USP54: variants seen among roughly 807,000 people sequenced by gnomAD.
The protein encoded by USP54 is ubiquitin carboxyl-terminal hydrolase 54.
A neutral mutation model predicts 170.5 loss-of-function variants in USP54; 87 were observed. The ratio of observed to expected loss-of-function variants is 0.51; its 90% confidence interval spans 0.43 to 0.61. The LOEUF is 0.61. Ranked by LOEUF, USP54 falls within the 20% of genes least tolerant of loss-of-function variation. The probability of loss-of-function intolerance (pLI) is 0.00; values close to 1 mark genes in which losing one functional copy is unlikely to be tolerated. For missense variants in USP54, 1,786 were observed against 2,047.8 expected (o/e 0.87, Z 2.47); for synonymous variants, 655 against 742.8 (o/e 0.88, Z 1.92).
intron 20 of USP54, among the ~76,000 whole-genome samples, chr10:73,513,822 T>G (rs1055809034): frequency 6.6e-6 from 1 of 152,130 alleles, no homozygotes; most frequent in Non-Finnish European, 1.5e-5. Flanking sequence ...TTTTTTTTTG[T>G]TTTTGGTTTT....
intron 1 of USP54, chr10:73,615,233 A>G (rs1281880297): frequency 6.7e-6 from 1 of 150,234 alleles, no homozygotes; most frequent in African/African-American, 2.5e-5. Context: ...TCCACCTGTA[A>G]TCCCAACTGA....
At chr10:73,602,512 T>C (rs996667166) in intron 1 of USP54, among the ~76,000 whole-genome samples, 41 of 149,864 alleles carry the variant, frequency 2.7e-4, no homozygotes, top group African/African-American at 1.0e-3. Flanking sequence ...GAGATCATGC[T>C]ACTGCACTCC....
At position 73,531,947 on chromosome 10, in the gene USP54, GA is replaced by G. The variant is rs113861662; in HGVS notation, c.1316-1113del. Among the ~76,000 whole-genome samples, 1,313 of 147,980 alleles carry G rather than the reference GA, an allele frequency of 8.9e-3. 31 individuals are homozygous for G. The highest frequency in any genetic ancestry group is 0.03 in the African/African-American group (1,218 of 40,462). On this transcript the variant is annotated intron_variant, in intron 12 of 23. Transcript: ENST00000687698. ...TAAATTAAGTTTGAAGATATGCTTA[GA>G]AAAAAAAAACCTAGGTCAAATGCAT...
chr10:73,523,530 C>A, intron 17 of USP54, 53 bp downstream of exon 17: 1 of 1,467,130 alleles, frequency 6.8e-7, no homozygotes. Flanking sequence ...ATGTTTTTTT[C>A]TACCCTTTCT....
intron 12 of USP54, among the ~76,000 whole-genome samples, chr10:73,532,222 G>C (rs891392824): frequency 6.6e-6 from 1 of 152,052 alleles, no homozygotes; most frequent in Non-Finnish European, 1.5e-5. Flanking sequence ...ACCCAGGCTG[G>C]AGTGCAGTGG....
intron 23 of USP54, chr10:73,499,875 G>C (rs2057709033): frequency 6.6e-6 from 1 of 152,426 alleles, no homozygotes; most frequent in South Asian, 2.1e-4. Context: ...GTTGGGGAGA[G>C]ACTGCCCTGT....
At chr10:73,595,751 G>C (rs1294191756), upstream of USP54, among the ~76,000 whole-genome samples, 1 of 152,170 alleles carries the variant, frequency 6.6e-6, no homozygotes, top group Non-Finnish European at 1.5e-5. Context: ...AAAGCTCCTA[G>C]AAAGCAAGAA....
intron 12 of USP54, among the ~76,000 whole-genome samples, chr10:73,531,233 G>T (rs980432696): frequency 6.6e-6 from 1 of 151,650 alleles, no homozygotes; most frequent in Non-Finnish European, 1.5e-5. Context: ...GGAGGTTGCA[G>T]TGAGCCGAGA....
At chr10:73,612,648 C>G (rs938452847) in intron 1 of USP54, among the ~76,000 whole-genome samples, 1 of 151,908 alleles carries the variant, frequency 6.6e-6, no homozygotes, top group African/African-American at 2.4e-5. Context: ...TCAAGACTAG[C>G]CTGGCCAACA....
At position 73,517,024 on chromosome 10, in the gene USP54, C is replaced by T. The variant is rs746083556; in HGVS notation, c.3402G>A (p.Glu1134=). The change falls in exon 20 of 24, where the codon GAG becomes GAA. Residue 1134 remains glutamate, a synonymous_variant. Coordinates refer to ENST00000687698, the MANE Select transcript of USP54 (RefSeq NM_001391956.1). ...STKGLVRSLA[E]QFQRMQGVSM... The stretch of plus-strand genomic sequence containing the variant: ...AGACACCCTGCATCCTCTGGAACTG[C>T]TCAGCCAGAGAACGGACAAGCCCCT... 3.1e-6 allele frequency: 5 copies of T among 1,614,212 alleles called. No homozygotes were observed. The highest frequency in any genetic ancestry group is 3.3e-5 in the Admixed American group (2 of 60,034).
intron 4 of USP54, chr10:73,546,423 C>G (rs2067837213): frequency 6.6e-6 from 1 of 152,096 alleles, no homozygotes; most frequent in Non-Finnish European, 1.5e-5. Context: ...ATGAACGTGG[C>G]TCACTGTAGC....
chr10:73,519,709 GC>G, intron 19 of USP54, 87 bp downstream of exon 19: 1 of 1,570,984 alleles, frequency 6.4e-7, no homozygotes, highest in Non-Finnish European at 8.6e-7. Context: ...CCCTTCAGTC[GC>G]CAAGACAATG....
chr10:73,553,697 C>A (rs775921980), intron 4 of USP54, among the ~76,000 whole-genome samples: 7 of 152,198 alleles, frequency 4.6e-5, no homozygotes, highest in Non-Finnish European at 7.3e-5. Flanking sequence ...CCAAGAATCA[C>A]TTTTCCTGTG....
At chr10:73,542,555 C>T (rs111914135) in intron 7 of USP54, among the ~76,000 whole-genome samples, 10,492 of 152,146 alleles carry the variant, frequency 0.069, 610 homozygotes, top group East Asian at 0.3. Flanking sequence ...GAAACACCGT[C>T]CTGCTAAAAA....
rs561377029 is a variant in USP54, at chr10:73,500,962, A to G, written c.4312-124T>C. ...GGAACCAGAGCACAAACATGCCTAC[A>G]TGCCTTGTTCTGGAACAGGACCCAA... On this transcript the variant is annotated intron_variant, in intron 22 of 23. Coordinates refer to ENST00000687698, the MANE Select transcript of USP54 (RefSeq NM_001391956.1). 28 of 1,060,118 alleles carry G rather than the reference A, an allele frequency of 2.6e-5. No individual in the cohort carries two copies. In the South Asian group the frequency reaches 4.0e-4, roughly 15 times the overall value. 65.7% of individuals were successfully genotyped at this position (1,060,118 alleles called of 1,614,324 possible).
chr10:73,590,499 A>AT (rs770941192), intron 1 of USP54, among the ~76,000 whole-genome samples: 1 of 151,866 alleles, frequency 6.6e-6, no homozygotes, highest in Non-Finnish European at 1.5e-5. Context: ...CCAAAAAAAA[A>AT]TTTTTTTTTA....
Position 73,621,033 on chromosome 10 carries a change from G to A in USP54, c.-18+4534C>T, listed in dbSNP as rs183743992. Among the ~76,000 whole-genome samples the A allele has an allele frequency of 4.0e-5, 6 of 150,376 alleles. 2 individuals are homozygous for A. Among genetic ancestry groups the A allele is most frequent in the African/African-American group, 1.5e-4 (6 of 39,808 alleles). On this transcript the variant is annotated intron_variant, in intron 1 of 22. Transcript: ENST00000339859. ...TAGCTGAGCTCGGTGGCACGTGCCT[G>A]TAATCCCAGCTACTCAGGAGGCTGA...
chr10:73,541,335 C>T (rs781515761), intron 9 of USP54, 40 bp downstream of exon 9: 2 of 1,612,264 alleles, frequency 1.2e-6, no homozygotes, highest in South Asian at 1.1e-5. Flanking sequence ...TACTAAGACG[C>T]AAGAACTCAA....
chr10:73,625,923 G>A (rs1005812730), upstream of USP54: 1 of 151,452 alleles, frequency 6.6e-6, no homozygotes, highest in Non-Finnish European at 1.5e-5. Flanking sequence ...CCCCCCTGAG[G>A]GTGTCGCACT....
Sources: allele counts gnomAD v4.1 joint callset (sites outside exome capture counted in the v4.1 genomes callset), GRCh38; gene constraint gnomAD v4.1.1; transcripts MANE v1.5; gene names NCBI Gene and HGNC (gene_info 2026-07-23, HGNC 2026-07-21).